Variants in WWC2 observed in about 807,000 individuals in gnomAD.
The protein encoded by WWC2 is protein WWC2.
A neutral mutation model predicts 138.5 loss-of-function variants in WWC2; 101 were observed. The observed-to-expected ratio is 0.73, with a 90% CI of 0.62 to 0.86. The LOEUF is 0.86. Among genes scored for constraint, WWC2 ranks in the 40% least tolerant of loss-of-function variants. WWC2 has a pLI of 0.00. For missense variants in WWC2, 1,420 were observed against 1,419.4 expected, an observed-to-expected ratio of 1.00 and a Z score of -0.01; for synonymous variants, 558 against 538.4, an observed-to-expected ratio of 1.04 and a Z score of -0.50.
chr4:183,290,185 AG>A (rs1738399304), intron 21 of WWC2, among the ~76,000 whole-genome samples: 1 of 152,138 alleles, frequency 6.6e-6, no homozygotes, highest in Non-Finnish European at 1.5e-5. Context: ...CCCTACAAAT[AG>A]GTATACTAAA....
At chr4:183,209,731 A>G (rs747006678) in intron 4 of WWC2, among the ~76,000 whole-genome samples, 8 of 152,208 alleles carry the variant, frequency 5.3e-5, no homozygotes, top group Non-Finnish European at 2.9e-5. Context: ...ATAATGCCTC[A>G]TGGAGAGGTG....
At chr4:183,236,594 A>T (rs1377588636) in intron 4 of WWC2, among the ~76,000 whole-genome samples, 1 of 152,216 alleles carries the variant, frequency 6.6e-6, no homozygotes, top group African/African-American at 2.4e-5. Flanking sequence ...TTAGGTTTTC[A>T]GTTTTGTCTG....
intron 1 of WWC2, among the ~76,000 whole-genome samples, chr4:183,113,480 CTGTGTGTGTGTG>C (rs113602820): frequency 0.022 from 3,190 of 143,786 alleles, 113 homozygotes; most frequent in African/African-American, 0.077. Context: ...AAGGTGGGGC[CTGTGTGTGTGTG>C]TGTGTGTGTG....
chr4:183,179,760 C>T (rs1446192153), intron 1 of WWC2, among the ~76,000 whole-genome samples: 3 of 152,042 alleles, frequency 2.0e-5, no homozygotes, highest in African/African-American at 4.8e-5. Context: ...ATGGAATGAT[C>T]AGGGAGATGC....
intron 16 of WWC2, among the ~76,000 whole-genome samples, chr4:183,280,202 G>A (rs1288877052): frequency 8.1e-6 from 1 of 123,310 alleles, no homozygotes; most frequent in Non-Finnish European, 1.7e-5. Flanking sequence ...GGAAATATCT[G>A]CTTACTATTT....
intron 1 of WWC2, among the ~76,000 whole-genome samples, chr4:183,143,614 C>A (rs1467292878): frequency 5.3e-5 from 8 of 151,422 alleles, no homozygotes; most frequent in Admixed American, 5.3e-4. Flanking sequence ...TCAAATCCAG[C>A]CTGGGCAATA....
At chr4:183,272,684 G>T (rs1737728411) in intron 16 of WWC2, among the ~76,000 whole-genome samples, 1 of 152,124 alleles carries the variant, frequency 6.6e-6, no homozygotes. Flanking sequence ...GCTTCTTCTG[G>T]ACATTTCATG....
chr4:183,216,642 G>A (rs1454822269), intron 4 of WWC2, among the ~76,000 whole-genome samples: 1 of 152,176 alleles, frequency 6.6e-6, no homozygotes, highest in Non-Finnish European at 1.5e-5. Flanking sequence ...GATGAAGTGA[G>A]CCCTGGGATT....
At chr4:183,308,958 G>A (rs1739114418) in intron 21 of WWC2, among the ~76,000 whole-genome samples, 1 of 152,086 alleles carries the variant, frequency 6.6e-6, no homozygotes, top group Non-Finnish European at 1.5e-5. Flanking sequence ...TGACAGAGGA[G>A]CAAAGAAAAT....
Position 183,266,972 on chromosome 4 carries a change from G to C in WWC2, c.2207+1021G>C, listed in dbSNP as rs150710132. Among the ~76,000 whole-genome samples the C allele has an allele frequency of 4.6e-5, 7 of 151,650 alleles. No individual in the cohort carries two copies. The East Asian group carries it at 5.8e-4, about 13-fold the overall frequency. On this transcript the variant is annotated intron_variant, in intron 14 of 22. Coordinates refer to ENST00000403733, the MANE Select transcript of WWC2 (RefSeq NM_024949.6). ...ATCAGAAAGAAGAAACTGGATCTAA[G>C]AGAAAAAGAACTAGATAGAAATTAT...
chr4:183,298,798 A>C (rs1738724246), intron 21 of WWC2, among the ~76,000 whole-genome samples: 1 of 152,198 alleles, frequency 6.6e-6, no homozygotes, highest in Admixed American at 6.5e-5. Flanking sequence ...AGTATAAATA[A>C]GGATTCAGAG....
At chr4:183,247,668 ATATTATATG>A (rs1736837048) in intron 6 of WWC2, among the ~76,000 whole-genome samples, 1 of 140,162 alleles carries the variant, frequency 7.1e-6, no homozygotes, top group African/African-American at 2.7e-5. Flanking sequence ...TATATACTAT[ATATTATATG>A]TACTATATTC....
chr4:183,308,790 T>G (rs1739108572), intron 21 of WWC2, among the ~76,000 whole-genome samples: 1 of 152,150 alleles, frequency 6.6e-6, no homozygotes, highest in South Asian at 2.1e-4. Context: ...TATAATGTAG[T>G]AATAATAATG....
At chr4:183,151,421 C>T (rs1343690786) in intron 1 of WWC2, among the ~76,000 whole-genome samples, 4 of 151,758 alleles carry the variant, frequency 2.6e-5, no homozygotes, top group African/African-American at 7.3e-5. Flanking sequence ...TTAAGTTCTT[C>T]GTAGATTCTG....
intron 17 of WWC2, among the ~76,000 whole-genome samples, chr4:183,281,571 G>T (rs541922433): frequency 6.4e-4 from 98 of 152,154 alleles, no homozygotes; most frequent in African/African-American, 2.2e-3. Flanking sequence ...GTTATGTTTG[G>T]TTGAACTACT....
intron 1 of WWC2, among the ~76,000 whole-genome samples, chr4:183,138,186 C>G (rs913161290): frequency 6.6e-6 from 1 of 152,136 alleles, no homozygotes; most frequent in Non-Finnish European, 1.5e-5. Flanking sequence ...GGGAGGTGGG[C>G]TTCACCCTCC....
At chr4:183,106,523 G>A (rs530307098) in intron 1 of WWC2, among the ~76,000 whole-genome samples, 1 of 152,018 alleles carries the variant, frequency 6.6e-6, no homozygotes. Context: ...TATAATTCCT[G>A]AACATTTTAA....
At chr4:183,257,950 A>G (rs2111350850) in intron 9 of WWC2, among the ~76,000 whole-genome samples, 1 of 152,300 alleles carries the variant, frequency 6.6e-6, no homozygotes, top group Admixed American at 6.5e-5. Context: ...TTCAAAGCAG[A>G]CATTAAAGGG....
chr4:183,200,704 A>G (rs965396990), intron 2 of WWC2, among the ~76,000 whole-genome samples: 3 of 152,174 alleles, frequency 2.0e-5, no homozygotes, highest in Admixed American at 6.5e-5. Context: ...GGCCTCCCTC[A>G]TTCCATGCCA....
Sources: gnomAD v4.1 joint callset for allele counts (sites outside exome capture counted in the v4.1 genomes callset) on GRCh38, gnomAD v4.1.1 for gene constraint, MANE v1.5 for transcripts, NCBI Gene and HGNC (gene_info 2026-07-23, HGNC 2026-07-21) for gene names.